The following DPY19L3 variants were observed in gnomAD, a reference collection of about 807,000 sequenced individuals.
DPY19L3 encodes the protein protein C-mannosyl-transferase DPY19L3.
In DPY19L3, 51 loss-of-function variants were observed where a neutral mutation model predicts 92.3. The ratio of observed to expected loss-of-function variants is 0.55; its 90% CI spans 0.44 to 0.70. DPY19L3 has a LOEUF of 0.70. DPY19L3 is among the 30% of genes least tolerant of loss of function. The probability of loss-of-function intolerance (pLI) is 0.00; values close to 1 mark genes in which losing one functional copy is unlikely to be tolerated. For missense variants in DPY19L3, 706 were observed against 855.9 expected (o/e 0.82, Z 2.18); for synonymous variants, 309 against 315.2 (o/e 0.98, Z 0.21).
At chr19:32,473,203 CTG>C (rs1970407085) in intron 16 of DPY19L3, among the ~76,000 whole-genome samples, 1 of 152,150 alleles carries the variant, frequency 6.6e-6, no homozygotes, top group African/African-American at 2.4e-5. Context: ...TCCATTTGAC[CTG>C]TGAGTCCTTG....
intron 8 of DPY19L3, among the ~76,000 whole-genome samples, chr19:32,452,599 A>G (rs527901967): frequency 6.6e-6 from 1 of 152,370 alleles, no homozygotes; most frequent in African/African-American, 2.4e-5. Context: ...TCTACTTCAT[A>G]TCATCCCTCT....
At chr19:32,477,840 G>T (rs1290334807) in intron 17 of DPY19L3, among the ~76,000 whole-genome samples, 186 bp downstream of exon 17, 2 of 152,188 alleles carry the variant, frequency 1.3e-5, no homozygotes, top group Non-Finnish European at 2.9e-5. Context: ...AGAAAGAGAG[G>T]TTTAATTGAC....
At chr19:32,406,384 G>C (rs1010565828) in intron 1 of DPY19L3, 2 of 152,114 alleles carry the variant, frequency 1.3e-5, no homozygotes, top group African/African-American at 4.8e-5. Flanking sequence ...TTAGAGACAG[G>C]GGTCTCGCTG....
chr19:32,470,024 G>A (rs1049630397), intron 16 of DPY19L3, among the ~76,000 whole-genome samples: 3 of 152,180 alleles, frequency 2.0e-5, no homozygotes, highest in African/African-American at 7.2e-5. Context: ...CTGCAGAGAT[G>A]GTCAGTGCTT....
intron 3 of DPY19L3, chr19:32,413,303 C>T (rs1968257013): frequency 6.6e-6 from 1 of 152,092 alleles, no homozygotes; most frequent in Non-Finnish European, 1.5e-5. Context: ...AAATGAGCCT[C>T]GAAAGGATAT....
chr19:32,458,253 C>G, intron 11 of DPY19L3, 80 bp downstream of exon 11: 1 of 1,577,378 alleles, frequency 6.3e-7, no homozygotes, highest in Non-Finnish European at 8.6e-7. Context: ...GTCATTGTGC[C>G]TTCAACTATT....
intron 4 of DPY19L3, among the ~76,000 whole-genome samples, chr19:32,435,758 T>C (rs1480189082): frequency 6.6e-6 from 1 of 152,224 alleles, no homozygotes. Flanking sequence ...TTTTCTTCTG[T>C]GAACTATCCA....
chr19:32,462,426 G>A (rs1970067845), intron 12 of DPY19L3, among the ~76,000 whole-genome samples: 1 of 152,144 alleles, frequency 6.6e-6, no homozygotes, highest in Non-Finnish European at 1.5e-5. Flanking sequence ...TTTTCGGACA[G>A]CAGTTTCCTC....
chr19:32,480,932 T>C, intron 18 of DPY19L3: 1 of 418,266 alleles, frequency 2.4e-6, no homozygotes, highest in Non-Finnish European at 4.2e-6. Flanking sequence ...AGCTGCTGCA[T>C]GGCAGGGATG....
chr19:32,424,890 A>G (rs185349018), intron 3 of DPY19L3, among the ~76,000 whole-genome samples: 1 of 152,336 alleles, frequency 6.6e-6, no homozygotes, highest in Non-Finnish European at 1.5e-5. Context: ...AGACATATAA[A>G]TCAATGGAAT....
chr19:32,439,888 T>G lies in DPY19L3; in HGVS notation c.833T>G (p.Leu278Arg). ...QALVLFTLDS[L>R]DMLPAVKATW... Reference sequence around the variant, plus strand: ...TTAGTGCTGTTCACACTGGACTCCCTGGACATGCTGCCAGCAGTGAAGGTG... The same window carrying G: ...TTAGTGCTGTTCACACTGGACTCCCGGGACATGCTGCCAGCAGTGAAGGTG... Residue 278 changes from leucine to arginine, a missense_variant, in exon 8 of 19, where the codon CTG (leucine) becomes CGG (arginine). Leu to Arg is a moderately radical substitution (Grantham distance 102, BLOSUM62 -2). Transcript: ENST00000392250. 1 of 1,613,330 alleles carries G rather than the reference T, an allele frequency of 6.2e-7. No homozygotes were observed. Among genetic ancestry groups the G allele is most frequent in the South Asian group, 1.1e-5 (1 of 90,854 alleles).
At chr19:32,413,284 C>A (rs1202505776) in intron 3 of DPY19L3, 3 of 152,114 alleles carry the variant, frequency 2.0e-5, no homozygotes, top group Non-Finnish European at 4.4e-5. Context: ...AGCTTTGATT[C>A]TCTTACTGAA....
intron 1 of DPY19L3, among the ~76,000 whole-genome samples, chr19:32,407,834 T>C (rs1968028923): frequency 6.6e-6 from 1 of 152,222 alleles, no homozygotes; most frequent in Non-Finnish European, 1.5e-5. Context: ...GGCTCATTCA[T>C]GTAATCCTAG....
rs137908715 is a variant in DPY19L3 at position 32,424,417 on chromosome 19, A to G, written c.238-8299A>G. On this transcript the variant is annotated intron_variant, in intron 3 of 18. Coordinates refer to ENST00000392250, the MANE Select transcript of DPY19L3 (RefSeq NM_001172774.2). ...AGTCAGAAAGTTTGATTTAAAACTG[A>G]TAAGACACACAAGCCTGGGCAACAT... Among the ~76,000 whole-genome samples the G allele has an allele frequency of 6.2e-3, 936 of 151,890 alleles. 12 individuals are homozygous for G. The highest frequency in any genetic ancestry group is 0.022 in the African/African-American group (896 of 41,408).
intron 14 of DPY19L3, among the ~76,000 whole-genome samples, chr19:32,464,291 A>T (rs552660902): frequency 1.3e-5 from 2 of 152,126 alleles, no homozygotes; most frequent in African/African-American, 4.8e-5. Context: ...TTGTTATTAT[A>T]ATGTATTTTC....
intron 3 of DPY19L3, among the ~76,000 whole-genome samples, chr19:32,416,049 G>A (rs1404484291): frequency 6.6e-6 from 1 of 152,208 alleles, no homozygotes; most frequent in African/African-American, 2.4e-5. Flanking sequence ...AATGAACTTG[G>A]CAAATCCAGG....
At chr19:32,462,034 C>G (rs528980478) in intron 12 of DPY19L3, among the ~76,000 whole-genome samples, 1 of 152,194 alleles carries the variant, frequency 6.6e-6, no homozygotes, top group East Asian at 1.9e-4. Flanking sequence ...ATACATATAT[C>G]CCTGTGATAA....
At chr19:32,463,677 CTA>C (rs761767123) in intron 13 of DPY19L3, among the ~76,000 whole-genome samples, 189 bp downstream of exon 13, 1 of 152,178 alleles carries the variant, frequency 6.6e-6, no homozygotes, top group Non-Finnish European at 1.5e-5. Flanking sequence ...AAACACGCCT[CTA>C]TGTTTTACTC....
At chr19:32,473,778 G>C (rs1568361249) in intron 16 of DPY19L3, among the ~76,000 whole-genome samples, 1 of 152,190 alleles carries the variant, frequency 6.6e-6, no homozygotes, top group African/African-American at 2.4e-5. Context: ...TCAGAAGTCA[G>C]TCATTTTCAA....
Sources: gnomAD v4.1 joint callset for allele counts (sites outside exome capture counted in the v4.1 genomes callset) on GRCh38, gnomAD v4.1.1 for gene constraint, MANE v1.5 for transcripts, NCBI Gene and HGNC (gene_info 2026-07-23, HGNC 2026-07-21) for gene names.